The following FMNL1 variants were observed in gnomAD, a reference collection of about 807,000 sequenced individuals.
FMNL1 encodes formin-like protein 1.
FMNL1 carries 43 observed loss-of-function variants against 121.3 expected under a neutral mutation model. That is an observed-to-expected ratio of 0.35 (90% confidence interval 0.28 to 0.46). The LOEUF (loss-of-function observed/expected upper bound fraction) is 0.46, where lower values mean the gene tolerates loss of function less well. Ranked by LOEUF, FMNL1 falls within the 20% of genes least tolerant of loss-of-function variation. The pLI is 1.00. For synonymous variants in FMNL1, 613 were observed against 613.5 expected, an observed-to-expected ratio of 1.00 and a Z score of 0.01; for missense variants, 1,191 against 1,482.4, an observed-to-expected ratio of 0.80 and a Z score of 3.23.
chr17:45,237,336 G>A lies in FMNL1; in HGVS notation c.779G>A (p.Ser260Asn), dbSNP rs2043572954. Residue 260 changes from serine (S) to asparagine (N), a missense_variant, in exon 8 of 27, where the codon AGC becomes AAC. By Grantham distance (46) the Ser-to-Asn change is conservative. Around this residue, in one of 4 missense-constraint regions of FMNL1, gnomAD observed 253 missense variants for 417.5 expected, o/e 0.61. Coordinates refer to ENST00000331495, the MANE Select transcript of FMNL1 (RefSeq NM_005892.4). This position sits in a 1 kb window ranked among gnomAD's most constrained non-coding sequence, Gnocchi z 4.4. ...GCCTGTGTCAATGAGATTGCTCTGAGCCTCAACAACAAGAACCCCAGGTGA... is the reference window on the plus strand; with the variant it reads ...GCCTGTGTCAATGAGATTGCTCTGAACCTCAACAACAAGAACCCCAGGTGA... ...HPACVNEIAL[S>N]LNNKNPRTKA... is the part of the protein sequence containing the mutation. The A allele has an allele frequency of 6.2e-7, 1 of 1,614,130 alleles. No homozygotes were observed. The highest frequency in any genetic ancestry group is 8.5e-7 in the Non-Finnish European group (1 of 1,180,016).
intron 1 of FMNL1, among the ~76,000 whole-genome samples, chr17:45,223,522 A>G (rs1485802087): frequency 6.6e-6 from 1 of 152,126 alleles, no homozygotes; most frequent in Non-Finnish European, 1.5e-5. Flanking sequence ...ACCTTGCTTG[A>G]TTAGAGGAGG....
chr17:45,237,355 C>A lies in FMNL1; in HGVS notation c.798C>A (p.Pro266=), dbSNP rs1158753154. The stretch of plus-strand genomic sequence containing the variant: ...CTCTGAGCCTCAACAACAAGAACCC[C>A]AGGTGAGGTCCAGGCCCCAAACCTT... ...EIALSLNNKN[P]RTKALVLELL... Residue 266 remains proline, a splice_region_variant and synonymous_variant, in exon 8 of 27, where the codon CCC becomes CCA. Transcript: ENST00000331495. This position sits in a 1 kb window ranked among gnomAD's most constrained non-coding sequence, Gnocchi z 4.4. The A allele has an allele frequency of 1.2e-6, 2 of 1,614,198 alleles. No homozygotes were observed. Among genetic ancestry groups the A allele is most frequent in the Admixed American group, 3.3e-5 (2 of 60,026 alleles).
In FMNL1 at chr17:45,234,091, G is replaced by A. The variant is rs375374786; in HGVS notation, c.505G>A (p.Asp169Asn). The change falls in exon 6 of 27, where the codon GAC (aspartate) becomes AAC (asparagine). Residue 169 changes from aspartate to asparagine, a missense_variant. By Grantham distance (23) the Asp-to-Asn change is conservative. Transcript: ENST00000331495. ...CCCCAGGTATGACATGGAGAGCACA[G>A]ACAACGGGGCTTCCAACTCAGAGAA... ...CSVTYDMEST[D>N]NGASNSEKNK... 5.0e-6 allele frequency: 8 copies of A among 1,614,022 alleles called. No individual in the cohort carries two copies. The African/African-American group carries it at 9.3e-5, about 19-fold the overall frequency.
chr17:45,221,992 G>A lies in FMNL1; in HGVS notation c.-133G>A. ...CGCGCCGCTGAGCCGAGCGCCCCCC[G>A]CTGCCGAGACCCCCGCCGCCACCGC... On this transcript the variant is annotated 5_prime_UTR_variant, in exon 1 of 27. Coordinates refer to ENST00000331495, the MANE Select transcript of FMNL1 (RefSeq NM_005892.4). 3 of 655,836 alleles carry A rather than the reference G, an allele frequency of 4.6e-6. No homozygotes were observed. The highest frequency in any genetic ancestry group is 6.2e-6 in the Non-Finnish European group (3 of 484,374). 40.6% of individuals were successfully genotyped at this position (655,836 alleles called of 1,614,324 possible).
rs182017925 is a variant in FMNL1, at chr17:45,239,978, C to T, written c.1081-498C>T. Among the ~76,000 whole-genome samples, 6 of 152,186 alleles carry T rather than the reference C, an allele frequency of 3.9e-5. No individual in the cohort carries two copies. In the East Asian group the frequency reaches 7.7e-4, roughly 20 times the overall value. On this transcript the variant is annotated intron_variant, in intron 11 of 26. Coordinates refer to ENST00000331495, the MANE Select transcript of FMNL1 (RefSeq NM_005892.4). ...TTAATTTTTGTATTTTTGGTAGAGA[C>T]GGGGGTTTCACCACGTTGGCCAGGT... is the stretch of plus-strand genomic sequence containing the variant.
rs1356086309 is a variant in FMNL1, at chr17:45,231,287, GC to G, written c.213+601del. 2.0e-5 allele frequency: 3 copies of G among 152,390 alleles called. No individual in the cohort carries two copies. Among genetic ancestry groups the G allele is most frequent in the Admixed American group, 1.3e-4 (2 of 15,294 alleles). The allele number at this position is 152,390 out of a possible 1,614,324, so 9.4% of individuals were successfully genotyped here. ...CTCTCCCAGCGCTGGGCTGGGTGGG[GC>G]TCGGCTGCCGCAGGGATTCTGTGAA... On this transcript the variant is annotated intron_variant, in intron 2 of 26. Coordinates refer to ENST00000331495, the MANE Select transcript of FMNL1 (RefSeq NM_005892.4). This position sits in a 1 kb window ranked among gnomAD's most constrained non-coding sequence, Gnocchi z 4.7.
Position 45,238,021 on chromosome 17 carries a change from A to T in FMNL1, c.894+382A>T, listed in dbSNP as rs2043590034. 5.0e-5 allele frequency: 11 copies of T among 218,000 alleles called. No individual in the cohort carries two copies. In the South Asian group the frequency reaches 8.4e-4, roughly 17 times the overall value. The allele number at this position is 218,000 out of a possible 1,614,324, so 13.5% of individuals were successfully genotyped here. On this transcript the variant is annotated intron_variant, in intron 9 of 26. Transcript: ENST00000331495. ...AAGATGCATAAGACAAGATATCTTC[A>T]TTCATTCATTCCTTTAATGAATATT...
At chr17:45,230,769 G>A in intron 2 of FMNL1, 82 bp downstream of exon 2, 1 of 1,438,594 alleles carries the variant, frequency 7.0e-7, no homozygotes, top group Non-Finnish European at 9.6e-7. Flanking sequence ...ATGGGGAGAG[G>A]GGCACCGCCA....
In FMNL1 at chr17:45,238,962, G is replaced by C; in HGVS notation, c.977G>C (p.Cys326Ser). The change falls in exon 11 of 27, where the codon TGC becomes TCC. Residue 326 changes from cysteine to serine, a missense_variant. Cys to Ser is a moderately radical substitution (Grantham distance 112). Transcript: ENST00000331495. ...CATGTCCCTGGCTCCCAGGTGGCCT[G>C]CATGCAGTTCATCAACATTGTGGTA... ...EDSNIDFMVA[C>S]MQFINIVVHS... is the part of the protein sequence containing the mutation. 6.2e-7 allele frequency: 1 copy of C among 1,614,150 alleles called. No individual in the cohort carries two copies. Among genetic ancestry groups the C allele is most frequent in the Non-Finnish European group, 8.5e-7 (1 of 1,179,984 alleles).
intron 6 of FMNL1, among the ~76,000 whole-genome samples, chr17:45,235,794 G>T (rs2043536361): frequency 6.6e-6 from 1 of 152,328 alleles, no homozygotes; most frequent in African/African-American, 2.4e-5. Flanking sequence ...CTGGCAGTGT[G>T]AATTCAGATC....
intron 11 of FMNL1, among the ~76,000 whole-genome samples, chr17:45,239,659 C>G (rs913561674): frequency 1.3e-5 from 2 of 152,080 alleles, no homozygotes; most frequent in African/African-American, 4.8e-5. Context: ...AGAGAGCAGG[C>G]TGGCGGGGGG....
In FMNL1 at chr17:45,241,888, C is replaced by A; in HGVS notation, c.1627C>A (p.Pro543Thr). The A allele has an allele frequency of 7.0e-7, 1 of 1,426,930 alleles. No homozygotes were observed. The highest frequency in any genetic ancestry group is 9.1e-7 in the Non-Finnish European group (1 of 1,098,940). The allele number at this position is 1,426,930 out of a possible 1,614,324, so 88.4% of individuals were successfully genotyped here. Residue 543 changes from proline (P) to threonine (T), a missense_variant, in exon 15 of 27, where the codon CCG becomes ACG. Pro to Thr is a conservative substitution (Grantham distance 38). Transcript: ENST00000331495. This position sits in a 1 kb window ranked among gnomAD's most constrained non-coding sequence, Gnocchi z 7.0. ...AAEPAPGAAP[P>T]PPPPLPGLPS... ...AGAGCCGGCTCCCGGAGCAGCGCCA[C>A]CGCCGCCGCCCCCACTGCCCGGCCT...
chr17:45,240,092 T>C (rs2043649554), intron 11 of FMNL1, among the ~76,000 whole-genome samples: 1 of 152,176 alleles, frequency 6.6e-6, no homozygotes, highest in Non-Finnish European at 1.5e-5. Context: ...CGCCCAGCTA[T>C]CTATGATTGC....
intron 2 of FMNL1, 33 bp downstream of exon 2, chr17:45,230,720 C>A: frequency 6.2e-7 from 1 of 1,608,000 alleles, no homozygotes; most frequent in African/African-American, 1.3e-5. Context: ...CACCCCTTCC[C>A]TCCCACTGTC....
rs2043587888 is a variant in FMNL1 at position 45,237,918 on chromosome 17, ACTAGC to A, written c.894+282_894+286del. The A allele has an allele frequency of 5.2e-6, 2 of 383,324 alleles. No individual in the cohort carries two copies. Among genetic ancestry groups the A allele is most frequent in the Non-Finnish European group, 9.7e-6 (2 of 206,324 alleles). 23.7% of individuals were successfully genotyped at this position (383,324 alleles called of 1,614,324 possible). A position where few individuals can be genotyped will look rare whatever the true frequency, so the allele number is the denominator to read the frequency against. On this transcript the variant is annotated intron_variant, in intron 9 of 26. Coordinates refer to ENST00000331495, the MANE Select transcript of FMNL1 (RefSeq NM_005892.4). This position sits in a 1 kb window ranked among gnomAD's most constrained non-coding sequence, Gnocchi z 4.4. ...TCTGACTCAGCCTTGCCAGATCCAA[ACTAGC>A]CTTGGTTCATACCTCCAGGAGTTGC...
chr17:45,226,089 C>T (rs556448967), intron 1 of FMNL1, among the ~76,000 whole-genome samples: 1 of 152,306 alleles, frequency 6.6e-6, no homozygotes, highest in Non-Finnish European at 1.5e-5. Context: ...TTACTGTGCA[C>T]TCCCCAGGAG....
intron 1 of FMNL1, among the ~76,000 whole-genome samples, chr17:45,223,842 C>A (rs962851820): frequency 6.6e-6 from 1 of 152,128 alleles, no homozygotes; most frequent in South Asian, 2.1e-4. Flanking sequence ...CTGTTTAGCA[C>A]GCTGATGGGG....
rs1179376939 is a variant in FMNL1, at chr17:45,232,483, AC to A, written c.327+4del. 5.0e-6 allele frequency: 8 copies of A among 1,613,448 alleles called. No individual in the cohort carries two copies. The highest frequency in any genetic ancestry group is 6.8e-6 in the Non-Finnish European group (8 of 1,179,410). On this transcript the variant is annotated splice_donor_region_variant and intron_variant, in intron 3 of 26. Transcript: ENST00000331495. ...CTGATTGGATGTCCAACCTGGGGGT[AC>A]ATGTCTCCCCTCTTTACTCTGTCCC...
intron 12 of FMNL1, 169 bp downstream of exon 12, chr17:45,240,794 T>C: frequency 1.0e-6 from 1 of 1,003,012 alleles, no homozygotes; most frequent in South Asian, 1.7e-5. Flanking sequence ...CCTGAATCTG[T>C]TGGGTGTCTT....
Sources: allele counts gnomAD v4.1 joint callset (sites outside exome capture counted in the v4.1 genomes callset), GRCh38; gene constraint gnomAD v4.1.1; regional missense constraint gnomAD v4.1.1; non-coding constraint Gnocchi (gnomAD v3.1); transcripts MANE v1.5; gene names NCBI Gene and HGNC (gene_info 2026-07-23, HGNC 2026-07-21).